Variants in FMN2 observed in about 807,000 individuals in gnomAD.
FMN2 encodes formin-2.
FMN2 carries 51 observed loss-of-function variants against 142.3 expected under a neutral mutation model. The observed-to-expected ratio is 0.36, with a 90% confidence interval of 0.29 to 0.45. The LOEUF (loss-of-function observed/expected upper bound fraction) is 0.45. FMN2 is among the 20% of genes least tolerant of loss of function. The pLI, the probability that FMN2 is intolerant of heterozygous loss-of-function variation, is 1.00. For missense variants in FMN2, 1,936 were observed against 2,122.8 expected (o/e 0.91, Z 1.73); for synonymous variants, 882 against 869.8 (o/e 1.01, Z -0.25).
chr1:240,306,003 G>T (rs1178387476), intron 8 of FMN2, among the ~76,000 whole-genome samples: 1 of 148,162 alleles, frequency 6.7e-6, no homozygotes, highest in Non-Finnish European at 1.5e-5. Context: ...AGGCTGGAGT[G>T]CGGTGACGTG....
chr1:240,148,545 A>G (rs528283880), intron 2 of FMN2, among the ~76,000 whole-genome samples: 1 of 152,150 alleles, frequency 6.6e-6, no homozygotes, highest in African/African-American at 2.4e-5. Context: ...GTTTGTCTCC[A>G]ATTGGGGTTA....
At chr1:240,291,664 C>G (rs1221082276) in intron 7 of FMN2, among the ~76,000 whole-genome samples, 3 of 152,102 alleles carry the variant, frequency 2.0e-5, no homozygotes, top group African/African-American at 7.2e-5. Flanking sequence ...GTACCAGGCT[C>G]TCTTGTTTCA....
chr1:240,281,099 C>T (rs1206771765), intron 7 of FMN2, among the ~76,000 whole-genome samples: 1 of 152,122 alleles, frequency 6.6e-6, no homozygotes, highest in Non-Finnish European at 1.5e-5. Context: ...AAACAAGGCC[C>T]ATAGGTGTAT....
intron 6 of FMN2, among the ~76,000 whole-genome samples, chr1:240,238,745 G>A (rs1038254456): frequency 2.0e-5 from 3 of 152,160 alleles, no homozygotes; most frequent in African/African-American, 4.8e-5. Flanking sequence ...AGTCATAGGA[G>A]TAGCATTACT....
At position 240,382,666 on chromosome 1, in the gene FMN2, G is replaced by GA. The variant is rs201942315; in HGVS notation, c.4859-9835dup. Among the ~76,000 whole-genome samples the GA allele has an allele frequency of 8.7e-3, 1,265 of 145,456 alleles. 3 individuals carry two copies. Among genetic ancestry groups the GA allele is most frequent in the African/African-American group, 0.019 (749 of 39,656 alleles). On this transcript the variant is annotated intron_variant, in intron 14 of 17. Coordinates refer to ENST00000319653, the MANE Select transcript of FMN2 (RefSeq NM_020066.5). ...ACAGAGTGAGACTCCCTCTCAAAAAGAAAAAAAAAATGACCATACTGTTCA... is the reference window on the plus strand; with the variant it reads ...ACAGAGTGAGACTCCCTCTCAAAAAGAAAAAAAAAAATGACCATACTGTTCA...
At chr1:240,271,949 T>C (rs181480727) in intron 7 of FMN2, among the ~76,000 whole-genome samples, 14 of 152,280 alleles carry the variant, frequency 9.2e-5, no homozygotes, top group Admixed American at 9.2e-4. Context: ...TTTAATGACA[T>C]TGTTCCATAG....
intron 1 of FMN2, among the ~76,000 whole-genome samples, chr1:240,111,752 C>T (rs759045291): frequency 4.6e-5 from 7 of 152,274 alleles, no homozygotes; most frequent in East Asian, 1.9e-4. Context: ...CAGTAGGTCT[C>T]GGTCTCATTT....
intron 13 of FMN2, among the ~76,000 whole-genome samples, chr1:240,355,549 G>T (rs555082455): frequency 5.3e-4 from 80 of 152,244 alleles, no homozygotes; most frequent in African/African-American, 1.9e-3. Flanking sequence ...GAGATTTAGA[G>T]GTTATATAAC....
chr1:240,199,724 A>T (rs148700796), intron 4 of FMN2, among the ~76,000 whole-genome samples: 28 of 152,302 alleles, frequency 1.8e-4, no homozygotes, highest in Non-Finnish European at 3.8e-4. Flanking sequence ...GGGTTTTGAA[A>T]CAGTATTTTA....
chr1:240,316,701 C>T (rs1426561058), intron 8 of FMN2, among the ~76,000 whole-genome samples: 1 of 152,032 alleles, frequency 6.6e-6, no homozygotes, highest in African/African-American at 2.4e-5. Flanking sequence ...CAAAATAGAA[C>T]GGATGATCAA....
At chr1:240,352,375 A>T (rs1672124102) in intron 13 of FMN2, among the ~76,000 whole-genome samples, 1 of 152,124 alleles carries the variant, frequency 6.6e-6, no homozygotes, top group Admixed American at 6.6e-5. Flanking sequence ...TGAGGTCAGG[A>T]GTTCAAGAAC....
In FMN2 at chr1:240,092,227, G is replaced by C; in HGVS notation, c.118G>C (p.Gly40Arg). Residue 40 changes from glycine to arginine, a missense_variant, in exon 1 of 18, where the codon GGG (glycine) becomes CGG (arginine). Coordinates refer to ENST00000319653, the MANE Select transcript of FMN2 (RefSeq NM_020066.5). ...TGTGGAAGCCACAAAGAAGGGGAGC[G>C]GGGGCAAGAAGGCGCTAGGCAAGCA... ...RDVEATKKGS[G>R]GKKALGKHGK... 1 of 1,578,258 alleles carries C rather than the reference G, an allele frequency of 6.3e-7. No homozygotes were observed. The highest frequency in any genetic ancestry group is 8.6e-7 in the Non-Finnish European group (1 of 1,162,816).
At chr1:240,156,370 C>T (rs1164176983) in intron 2 of FMN2, among the ~76,000 whole-genome samples, 3 of 152,150 alleles carry the variant, frequency 2.0e-5, no homozygotes, top group East Asian at 1.9e-4. Context: ...TCACTACTTC[C>T]GAAAATTTAT....
intron 2 of FMN2, chr1:240,143,325 C>T (rs1327112602): frequency 1.1e-5 from 16 of 1,506,324 alleles, no homozygotes; most frequent in Middle Eastern, 1.7e-4. Context: ...GTACAGCCCT[C>T]CGGAGTGCAG....
chr1:240,245,293 A>G, intron 6 of FMN2: 3 of 352,042 alleles, frequency 8.5e-6, no homozygotes, highest in South Asian at 4.2e-5. Context: ...AAGGCAGTAC[A>G]GAATGCTGGG....
At chr1:240,432,132 T>C (rs1202816532) in intron 15 of FMN2, among the ~76,000 whole-genome samples, 1 of 151,940 alleles carries the variant, frequency 6.6e-6, no homozygotes, top group Non-Finnish European at 1.5e-5. Context: ...TAAATTTGAT[T>C]ACCAGTTTAT....
intron 6 of FMN2, among the ~76,000 whole-genome samples, chr1:240,235,106 AATT>A (rs1256575843): frequency 1.3e-5 from 2 of 152,184 alleles, no homozygotes; most frequent in Non-Finnish European, 2.9e-5. Context: ...TACAAACTAA[AATT>A]ATTCTCTTTC....
chr1:240,350,310 G>A (rs1475288444), intron 13 of FMN2, among the ~76,000 whole-genome samples: 1 of 152,164 alleles, frequency 6.6e-6, no homozygotes, highest in Non-Finnish European at 1.5e-5. Flanking sequence ...GAGTTTTGGT[G>A]GTTTACCTCA....
chr1:240,388,535 G>T (rs1447557094), intron 14 of FMN2, among the ~76,000 whole-genome samples: 1 of 152,030 alleles, frequency 6.6e-6, no homozygotes, highest in African/African-American at 2.4e-5. Flanking sequence ...TGGAGGAGAG[G>T]TGATTGCTCT....
Sources: gnomAD v4.1 joint callset for allele counts (sites outside exome capture counted in the v4.1 genomes callset) on GRCh38, gnomAD v4.1.1 for gene constraint, MANE v1.5 for transcripts, NCBI Gene and HGNC (gene_info 2026-07-23, HGNC 2026-07-21) for gene names.